Variants in ZC3H11A observed in about 807,000 individuals in gnomAD.
ZC3H11A encodes zinc finger CCCH-type containing 11A, also known as zinc finger CCCH domain-containing protein 11A.
A neutral mutation model predicts 90.8 loss-of-function variants in ZC3H11A; 22 were observed. That is an observed-to-expected ratio of 0.24 (90% CI 0.17 to 0.35). The LOEUF (loss-of-function observed/expected upper bound fraction) is 0.35. Ranked by LOEUF, ZC3H11A falls within the 10% of genes least tolerant of loss-of-function variation. The probability of loss-of-function intolerance (pLI) is 1.00; values close to 1 mark genes in which losing one functional copy is unlikely to be tolerated. For synonymous variants in ZC3H11A, 294 were observed against 339.8 expected (o/e 0.87, Z 1.48); for missense variants, 701 against 964.9 (o/e 0.73, Z 3.62).
chr1:203,807,497 A>G (rs2365868), intron 2 of ZC3H11A, among the ~76,000 whole-genome samples: 149,404 of 151,706 alleles, frequency 0.98, 73,607 homozygotes, highest in East Asian at 1. Flanking sequence ...AATATATGTG[A>G]CACAAAGTTT....
chr1:203,818,294 AAGAGGAC>A lies in ZC3H11A; in HGVS notation c.55-275_55-269del, dbSNP rs1375671290. ...AGATGAACTGTAAAATACATTTTTA[AAGAGGAC>A]CTAACACTCCTACTTGTCTTTTTCA... On this transcript the variant is annotated intron_variant, in intron 3 of 17. Transcript: ENST00000367210. Among the ~76,000 whole-genome samples the A allele has an allele frequency of 3.4e-3, 512 of 150,920 alleles. 4 individuals carry two copies. Among genetic ancestry groups the A allele is most frequent in the Non-Finnish European group, 6.2e-3 (413 of 66,966 alleles).
chr1:203,850,446 AT>A, intron 15 of ZC3H11A, 68 bp from the exon 16 acceptor site: 1 of 1,577,154 alleles, frequency 6.3e-7, no homozygotes, highest in South Asian at 1.1e-5. Context: ...TTGATATTTT[AT>A]TCTGAATTAT....
intron 2 of ZC3H11A, chr1:203,806,168 T>A (rs2102525735): frequency 2.0e-6 from 1 of 495,710 alleles, no homozygotes; most frequent in Non-Finnish European, 4.0e-6. Flanking sequence ...CTAGAAATCT[T>A]GTCAGTGGAT....
intron 9 of ZC3H11A, among the ~76,000 whole-genome samples, chr1:203,832,493 TG>T (rs934730546): frequency 2.0e-5 from 3 of 152,090 alleles, no homozygotes; most frequent in Non-Finnish European, 4.4e-5. Context: ...CCCCAGTAGC[TG>T]GGATTATAGG....
Position 203,817,111 on chromosome 1 carries a change from C to G in ZC3H11A, c.41C>G (p.Ser14Cys). ...QGEDCYFFFY[S>C]TCTKGDSCPF... is the part of the protein sequence containing the mutation. ...GAAGACTGCTATTTTTTTTTCTATTCCACATGTACCAAAGTAAGAATTGAC... is the reference window on the plus strand; with the variant it reads ...GAAGACTGCTATTTTTTTTTCTATTGCACATGTACCAAAGTAAGAATTGAC... Residue 14 changes from serine (S) to cysteine (C), a missense_variant, in exon 3 of 18, where the codon TCC (serine) becomes TGC (cysteine). Coordinates refer to ENST00000367210, the MANE Select transcript of ZC3H11A (RefSeq NM_001376342.1). 1 of 1,607,024 alleles carries G rather than the reference C, an allele frequency of 6.2e-7. No individual in the cohort carries two copies. The highest frequency in any genetic ancestry group is 8.5e-7 in the Non-Finnish European group (1 of 1,176,912).
At chr1:203,799,340 A>G in intron 1 of ZC3H11A, 1 of 705,420 alleles carries the variant, frequency 1.4e-6, no homozygotes, top group African/African-American at 1.7e-5. Context: ...AGAATATGTT[A>G]GTGGCTGCCA....
chr1:203,848,684 G>A (rs1371947411), intron 14 of ZC3H11A, among the ~76,000 whole-genome samples: 2 of 152,158 alleles, frequency 1.3e-5, no homozygotes, highest in African/African-American at 4.8e-5. Context: ...TCAGGAGATT[G>A]AGACCGTCCT....
intron 11 of ZC3H11A, among the ~76,000 whole-genome samples, chr1:203,839,138 A>G (rs1482374792): frequency 1.3e-5 from 2 of 152,136 alleles, no homozygotes; most frequent in Non-Finnish European, 2.9e-5. Context: ...AGGTAGTGGC[A>G]TAGATTTGGT....
At chr1:203,811,972 T>A (rs1177490985) in intron 2 of ZC3H11A, among the ~76,000 whole-genome samples, 1 of 151,792 alleles carries the variant, frequency 6.6e-6, no homozygotes, top group Non-Finnish European at 1.5e-5. Context: ...TGTGCCACCA[T>A]GCTTGGCTAA....
intron 7 of ZC3H11A, 47 bp from the exon 8 acceptor site, chr1:203,830,076 G>C: frequency 6.7e-7 from 1 of 1,481,908 alleles, no homozygotes; most frequent in Non-Finnish European, 9.3e-7. Context: ...AAAATACAAA[G>C]ATGAAAAGGC....
chr1:203,809,775 GA>G (rs1468146790), intron 2 of ZC3H11A, among the ~76,000 whole-genome samples: 7 of 152,144 alleles, frequency 4.6e-5, no homozygotes, highest in African/African-American at 1.7e-4. Flanking sequence ...CCAACATGGT[GA>G]AACCCCGTCT....
intron 10 of ZC3H11A, chr1:203,835,550 CA>C (rs1159489209): frequency 1.2e-5 from 2 of 166,390 alleles, no homozygotes; most frequent in East Asian, 3.1e-4. Context: ...TACAATAGCG[CA>C]AATCCACTTT....
intron 1 of ZC3H11A, chr1:203,799,160 G>C: frequency 1.4e-6 from 2 of 1,448,846 alleles, no homozygotes; most frequent in Non-Finnish European, 1.9e-6. Context: ...TAAATGACCA[G>C]ATTGGTCTGT....
rs1306859237 is a variant in ZC3H11A, at chr1:203,829,531, G to A, written c.379G>A (p.Val127Ile). The change falls in exon 6 of 18, where the codon GTC (valine) becomes ATC (isoleucine). Residue 127 changes from valine to isoleucine, a missense_variant. Val to Ile is a conservative substitution (Grantham distance 29, BLOSUM62 3). This residue lies in a region of ZC3H11A where 530 missense variants were observed against 696.2 expected (regional missense o/e 0.76). Transcript: ENST00000367210. ...TTCAGTTCAGCAGAACAAATTGTCT[G>A]TCCAGTCCAATCCTTCCCCTCAGCT... ...QLSVQQNKLSVQSNPSPQLRS... is the reference protein window; with the variant it reads ...QLSVQQNKLSIQSNPSPQLRS... The A allele has an allele frequency of 1.9e-6, 3 of 1,613,990 alleles. No individual in the cohort carries two copies. In the South Asian group the frequency reaches 3.3e-5, roughly 18 times the overall value.
chr1:203,841,092 CAG>C lies in ZC3H11A; in HGVS notation c.1042+723_1042+724del, dbSNP rs538860323. Among the ~76,000 whole-genome samples the C allele has an allele frequency of 2.7e-3, 411 of 151,044 alleles. 4 individuals carry two copies. The highest frequency in any genetic ancestry group is 0.01 in the Middle Eastern group (3 of 288). On this transcript the variant is annotated intron_variant, in intron 12 of 17. Transcript: ENST00000367210. ...CATTGTATCAAGTGAAGAAAGATAA[CAG>C]AGAGCACATACCACTTTTGACCTCC...
rs1449860904 is a variant in ZC3H11A, at chr1:203,851,140, T to C, written c.2174+16T>C. On this transcript the variant is annotated intron_variant, in intron 17 of 17. Transcript: ENST00000367210. ...CTAGAGACAGGTAATACTTTGTAAT[T>C]CTTTCTAAACAAACTCCAGGCCCCT... The C allele has an allele frequency of 1.2e-6, 2 of 1,613,432 alleles. No individual in the cohort carries two copies. Among genetic ancestry groups the C allele is most frequent in the Non-Finnish European group, 1.7e-6 (2 of 1,179,752 alleles).
chr1:203,810,671 G>A (rs1183069759), intron 2 of ZC3H11A, among the ~76,000 whole-genome samples: 1 of 151,892 alleles, frequency 6.6e-6, no homozygotes, highest in Non-Finnish European at 1.5e-5. Context: ...CACCCGCCTC[G>A]GACTCCCAAA....
At position 203,847,651 on chromosome 1, in the gene ZC3H11A, G is replaced by C. The variant is rs200108236; in HGVS notation, c.1510G>C (p.Gly504Arg). The change falls in exon 13 of 18, where the codon GGG becomes CGG. Residue 504 changes from glycine (G) to arginine (R), a missense_variant. Gly to Arg is a moderately radical substitution (Grantham distance 125). Around this residue, in one of 4 missense-constraint regions of ZC3H11A, gnomAD observed 530 missense variants for 696.2 expected, o/e 0.76. Coordinates refer to ENST00000367210, the MANE Select transcript of ZC3H11A (RefSeq NM_001376342.1). ...SSPSQHEATP[G>R]ARRLLRITKR... Reference sequence around the variant, plus strand: ...CCCGTCTCAACACGAGGCCACTCCAGGGGCAAGGCGGCTGCTGCGAATCAC... The same window carrying C: ...CCCGTCTCAACACGAGGCCACTCCACGGGCAAGGCGGCTGCTGCGAATCAC... 6.4e-5 allele frequency: 104 copies of C among 1,612,658 alleles called. No individual in the cohort carries two copies. Among genetic ancestry groups the C allele is most frequent in the Non-Finnish European group, 8.3e-5 (98 of 1,179,916 alleles).
chr1:203,815,340 C>T (rs75077656), intron 2 of ZC3H11A, among the ~76,000 whole-genome samples: 6,512 of 143,584 alleles, frequency 0.045, 563 homozygotes, highest in East Asian at 0.4. Context: ...TCAGCTCCCC[C>T]GTGTAGCTGG....
Sources: allele counts gnomAD v4.1 joint callset (sites outside exome capture counted in the v4.1 genomes callset), GRCh38; gene constraint gnomAD v4.1.1; regional missense constraint gnomAD v4.1.1; transcripts MANE v1.5; gene names NCBI Gene and HGNC (gene_info 2026-07-23, HGNC 2026-07-21).